Variants in CHST9 observed in about 807,000 individuals in gnomAD.
The protein encoded by CHST9 is carbohydrate sulfotransferase 9, also known as GalNAc-4-sulfotransferase 2.
In CHST9, 41 loss-of-function variants were observed where a neutral mutation model predicts 44.4. The observed-to-expected ratio is 0.92, with a 90% CI of 0.72 to 1.20. The LOEUF is 1.20. Ranked by LOEUF, CHST9 falls within the 50% of genes most tolerant of loss-of-function variation. CHST9 has a pLI of 0.00. For synonymous variants in CHST9, 171 were observed against 178.4 expected (o/e 0.96, Z 0.33); for missense variants, 504 against 516.5 (o/e 0.98, Z 0.23).
intron 4 of CHST9, among the ~76,000 whole-genome samples, chr18:26,946,977 C>T (rs2056173501): frequency 6.6e-6 from 1 of 152,048 alleles, no homozygotes; most frequent in Admixed American, 6.5e-5. Context: ...GTTCTTTTTG[C>T]TTAGGGTTGT....
At chr18:27,034,491 G>C (rs563063753) in intron 3 of CHST9, among the ~76,000 whole-genome samples, 1 of 152,068 alleles carries the variant, frequency 6.6e-6, no homozygotes, top group African/African-American at 2.4e-5. Context: ...GCTTAAAATT[G>C]TCCAGTGTTT....
At chr18:27,129,551 C>T (rs1242993858) in intron 2 of CHST9, among the ~76,000 whole-genome samples, 1 of 151,882 alleles carries the variant, frequency 6.6e-6, no homozygotes, top group Non-Finnish European at 1.5e-5. Flanking sequence ...CATCATCATG[C>T]CCAGATAATG....
chr18:27,034,173 G>T (rs972983988), intron 3 of CHST9, among the ~76,000 whole-genome samples: 5 of 152,122 alleles, frequency 3.3e-5, no homozygotes, highest in African/African-American at 1.2e-4. Context: ...GGATCCTCTT[G>T]TGTCTGCTGT....
intron 4 of CHST9, among the ~76,000 whole-genome samples, chr18:26,979,905 G>A (rs553438769): frequency 4.1e-4 from 63 of 152,128 alleles, no homozygotes; most frequent in Non-Finnish European, 7.9e-4. Context: ...CATTTTAAAC[G>A]TATTTTTTCT....
At chr18:27,176,274 C>A (rs1474318435) in intron 1 of CHST9, among the ~76,000 whole-genome samples, 1 of 151,936 alleles carries the variant, frequency 6.6e-6, no homozygotes, top group East Asian at 1.9e-4. Context: ...TTCATATTTG[C>A]ATTTTGAATG....
chr18:26,946,079 A>G (rs1363470566), intron 4 of CHST9, among the ~76,000 whole-genome samples: 4 of 152,168 alleles, frequency 2.6e-5, no homozygotes, highest in Non-Finnish European at 5.9e-5. Flanking sequence ...TCGCCAGATA[A>G]TAAGAATCAA....
At chr18:27,004,625 AG>A in intron 4 of CHST9, among the ~76,000 whole-genome samples, 1 of 152,284 alleles carries the variant, frequency 6.6e-6, no homozygotes, top group Non-Finnish European at 1.5e-5. Flanking sequence ...TATATCCCTA[AG>A]TGCCCCCTAG....
At chr18:26,926,034 G>T (rs576381936) in intron 5 of CHST9, among the ~76,000 whole-genome samples, 3 of 152,284 alleles carry the variant, frequency 2.0e-5, no homozygotes, top group East Asian at 3.9e-4. Context: ...AAATTAAGTG[G>T]AGGCAAAGGC....
intron 1 of CHST9, among the ~76,000 whole-genome samples, chr18:27,173,868 G>A (rs1421828406): frequency 6.6e-6 from 1 of 151,826 alleles, no homozygotes; most frequent in Non-Finnish European, 1.5e-5. Flanking sequence ...ATAACAAGTG[G>A]CATATAATCT....
intron 2 of CHST9, among the ~76,000 whole-genome samples, chr18:27,078,351 T>C (rs1383763709): frequency 6.6e-6 from 1 of 152,124 alleles, no homozygotes; most frequent in East Asian, 1.9e-4. Context: ...ATGCTTCACA[T>C]TGAAATGTAT....
chr18:27,163,944 C>A (rs573559635), intron 1 of CHST9, among the ~76,000 whole-genome samples: 38 of 152,258 alleles, frequency 2.5e-4, no homozygotes, highest in African/African-American at 8.9e-4. Context: ...TCCTATTCGG[C>A]CATCTTGGCT....
intron 4 of CHST9, among the ~76,000 whole-genome samples, chr18:26,982,623 A>G (rs192772699): frequency 2.2e-4 from 33 of 152,234 alleles, no homozygotes; most frequent in East Asian, 7.8e-4. Flanking sequence ...CTCACAGTTT[A>G]GAAGGGATGG....
At chr18:27,060,575 G>C (rs536905082) in intron 2 of CHST9, among the ~76,000 whole-genome samples, 1 of 152,226 alleles carries the variant, frequency 6.6e-6, no homozygotes, top group South Asian at 2.1e-4. Context: ...ATTTGCACAA[G>C]ACTAAGAATT....
At chr18:27,119,650 T>G (rs1598737677) in intron 2 of CHST9, among the ~76,000 whole-genome samples, 1 of 129,418 alleles carries the variant, frequency 7.7e-6, no homozygotes, top group Non-Finnish European at 1.6e-5. Context: ...TTTTTTGTTT[T>G]GGGTTTTTTT....
intron 4 of CHST9, among the ~76,000 whole-genome samples, chr18:26,994,433 C>T (rs1273637216): frequency 1.3e-5 from 2 of 151,894 alleles, no homozygotes; most frequent in African/African-American, 2.4e-5. Flanking sequence ...CCAGAAAGAG[C>T]GATTTTCTCA....
At chr18:27,101,508 G>A (rs536046949) in intron 2 of CHST9, among the ~76,000 whole-genome samples, 4 of 151,620 alleles carry the variant, frequency 2.6e-5, no homozygotes, top group Non-Finnish European at 5.9e-5. Context: ...GTGGGCGGGG[G>A]CTGAGGCCGG....
intron 3 of CHST9, among the ~76,000 whole-genome samples, chr18:27,027,224 C>A (rs1267865733): frequency 6.6e-6 from 1 of 152,158 alleles, no homozygotes; most frequent in African/African-American, 2.4e-5. Flanking sequence ...ACTGAGAATA[C>A]AAGGATAGGA....
intron 3 of CHST9, among the ~76,000 whole-genome samples, chr18:27,041,799 G>A (rs748715060): frequency 1.1e-4 from 17 of 152,144 alleles, no homozygotes; most frequent in Middle Eastern, 3.4e-3. Context: ...TCATAAATTC[G>A]ACTGGCTGGA....
chr18:27,075,012 CT>C (rs1282627973), intron 2 of CHST9, among the ~76,000 whole-genome samples: 3 of 138,100 alleles, frequency 2.2e-5, no homozygotes, highest in Non-Finnish European at 3.0e-5. Context: ...CTATGTTTTT[CT>C]TTTTTTTATG....
Sources: gnomAD v4.1 joint callset for allele counts (sites outside exome capture counted in the v4.1 genomes callset) on GRCh38, gnomAD v4.1.1 for gene constraint, MANE v1.5 for transcripts, NCBI Gene and HGNC (gene_info 2026-07-23, HGNC 2026-07-21) for gene names.